The following RBPMS2 variants were observed in gnomAD, a reference collection of about 807,000 sequenced individuals.
RBPMS2 encodes the protein RNA binding protein, mRNA processing factor 2.
RBPMS2 carries 14 observed loss-of-function variants against 25.7 expected under a neutral mutation model. The ratio of observed to expected loss-of-function variants is 0.55; its 90% CI spans 0.36 to 0.85. RBPMS2 has a LOEUF of 0.85. RBPMS2 is among the 40% of genes least tolerant of loss of function. The probability of loss-of-function intolerance (pLI) is 0.01; values close to 1 mark genes in which losing one functional copy is unlikely to be tolerated. For synonymous variants in RBPMS2, 127 were observed against 115.6 expected (o/e 1.10, Z -0.63); for missense variants, 252 against 283.4 (o/e 0.89, Z 0.80).
At position 64,765,263 on chromosome 15, in the gene RBPMS2, A is replaced by G. The variant is rs74369917; in HGVS notation, c.87+9970T>C. Among the ~76,000 whole-genome samples the G allele has an allele frequency of 1.4e-3, 213 of 150,238 alleles. 5 individuals are homozygous for G. The East Asian group carries it at 0.034, about 24-fold the overall frequency. On this transcript the variant is annotated intron_variant, in intron 1 of 7. Transcript: ENST00000300069. ...AAAAAAAAAAAAAAGCAAAAAACAA[A>G]AATTAGCCCGGCGTGTTGGTGTGCA...
intron 6 of RBPMS2, among the ~76,000 whole-genome samples, chr15:64,743,463 G>A (rs1401769626): frequency 6.6e-6 from 1 of 152,254 alleles, no homozygotes; most frequent in Admixed American, 6.5e-5. Flanking sequence ...CATTTAGAAG[G>A]GCTGCTTTTC....
At chr15:64,750,788 C>A (rs1842855016) in intron 2 of RBPMS2, among the ~76,000 whole-genome samples, 1 of 152,142 alleles carries the variant, frequency 6.6e-6, no homozygotes, top group African/African-American at 2.4e-5. Flanking sequence ...GTCTGTAATC[C>A]CAGCACTTTG....
At chr15:64,771,112 C>G (rs78122985) in intron 1 of RBPMS2, among the ~76,000 whole-genome samples, 6,348 of 152,314 alleles carry the variant, frequency 0.042, 247 homozygotes, top group Admixed American at 0.13. Flanking sequence ...CCTCCCTCAA[C>G]CCAATAGTAT....
intron 4 of RBPMS2, 86 bp from the exon 5 acceptor site, chr15:64,749,236 C>T (rs905078016): frequency 2.1e-5 from 32 of 1,529,828 alleles, no homozygotes; most frequent in Non-Finnish European, 2.8e-5. Context: ...GCGCCATAAA[C>T]AAGCTCGCCT....
intron 1 of RBPMS2, among the ~76,000 whole-genome samples, chr15:64,763,149 T>C (rs547118643): frequency 6.6e-6 from 1 of 151,906 alleles, no homozygotes; most frequent in African/African-American, 2.4e-5. Flanking sequence ...ACGCCTCCCA[T>C]AGGAAAGAAG....
intron 1 of RBPMS2, among the ~76,000 whole-genome samples, chr15:64,762,727 G>A (rs145504608): frequency 4.1e-4 from 62 of 152,264 alleles, no homozygotes; most frequent in African/African-American, 1.3e-3. Flanking sequence ...GAGTAGACTC[G>A]CCTCAGGTCC....
At chr15:64,757,103 T>A (rs1000915622) in intron 1 of RBPMS2, among the ~76,000 whole-genome samples, 5 of 151,546 alleles carry the variant, frequency 3.3e-5, no homozygotes, top group African/African-American at 1.2e-4. Context: ...CTCCAGAGTA[T>A]CTGGGACTAT....
chr15:64,766,056 A>G (rs2083843516), intron 1 of RBPMS2, among the ~76,000 whole-genome samples: 1 of 152,040 alleles, frequency 6.6e-6, no homozygotes, highest in South Asian at 2.1e-4. Flanking sequence ...CCCTACCTGC[A>G]CTAAAAGATA....
chr15:64,748,411 G>C lies in RBPMS2; in HGVS notation c.567+8C>G, dbSNP rs777858931. The C allele has an allele frequency of 1.2e-5, 20 of 1,613,506 alleles. No individual in the cohort carries two copies. In the East Asian group the frequency reaches 4.5e-4, roughly 36 times the overall value. On this transcript the variant is annotated splice_region_variant and intron_variant, in intron 6 of 7. Coordinates refer to ENST00000300069, the MANE Select transcript of RBPMS2 (RefSeq NM_194272.3). ...GTTCTTCGCCCTCCCCAACCTTAAA[G>C]GGCTTACCTGAGCGTGGAGGGCGGC...
intron 1 of RBPMS2, among the ~76,000 whole-genome samples, chr15:64,758,872 C>T (rs964279473): frequency 6.6e-6 from 1 of 152,140 alleles, no homozygotes; most frequent in Non-Finnish European, 1.5e-5. Flanking sequence ...TGTTCTTGAG[C>T]TCTCTCCCGC....
chr15:64,746,875 G>A (rs1015378790), intron 6 of RBPMS2, among the ~76,000 whole-genome samples: 1 of 152,190 alleles, frequency 6.6e-6, no homozygotes, highest in African/African-American at 2.4e-5. Flanking sequence ...GAGGTGAGAA[G>A]CCCAGTGAGG....
At chr15:64,767,652 C>T (rs972216181) in intron 1 of RBPMS2, among the ~76,000 whole-genome samples, 5 of 152,122 alleles carry the variant, frequency 3.3e-5, no homozygotes, top group African/African-American at 1.2e-4. Flanking sequence ...AGGAGGAAGC[C>T]AGCATGTCCC....
intron 1 of RBPMS2, among the ~76,000 whole-genome samples, chr15:64,754,522 G>C (rs2083713704): frequency 6.6e-6 from 1 of 151,310 alleles, no homozygotes; most frequent in African/African-American, 2.4e-5. Flanking sequence ...TGAGGTAGGA[G>C]AATCACTTGA....
intron 1 of RBPMS2, among the ~76,000 whole-genome samples, chr15:64,763,451 C>A (rs1006761745): frequency 2.0e-5 from 3 of 152,148 alleles, no homozygotes; most frequent in African/African-American, 7.2e-5. Context: ...GTCACCACAG[C>A]CTCACCTAGT....
intron 1 of RBPMS2, among the ~76,000 whole-genome samples, chr15:64,764,262 C>T (rs1277207260): frequency 1.3e-5 from 2 of 152,122 alleles, no homozygotes; most frequent in Admixed American, 1.3e-4. Context: ...TTGCAGTTGC[C>T]GCCACTGCCA....
At chr15:64,755,901 C>T (rs1408532450) in intron 1 of RBPMS2, among the ~76,000 whole-genome samples, 1 of 151,828 alleles carries the variant, frequency 6.6e-6, no homozygotes, top group African/African-American at 2.4e-5. Flanking sequence ...CGGCTCACCC[C>T]TTCCTCACTC....
intron 1 of RBPMS2, among the ~76,000 whole-genome samples, chr15:64,763,486 G>T (rs182022461): frequency 6.6e-6 from 1 of 152,286 alleles, no homozygotes; most frequent in East Asian, 1.9e-4. Flanking sequence ...GGTTCAGGTG[G>T]GATCTGGTGT....
chr15:64,751,043 CAA>C (rs953363268), intron 2 of RBPMS2, among the ~76,000 whole-genome samples: 2 of 141,720 alleles, frequency 1.4e-5, no homozygotes, highest in Non-Finnish European at 3.0e-5. Flanking sequence ...CAAAACAAAA[CAA>C]ACAAAAAGGA....
rs2083552146 is a variant in RBPMS2 at position 64,740,616 on chromosome 15, T to A, written c.*392A>T. 6.4e-6 allele frequency: 1 copy of A among 155,392 alleles called. No individual in the cohort carries two copies. The highest frequency in any genetic ancestry group is 6.3e-5 in the Admixed American group (1 of 15,904). 9.6% of individuals were successfully genotyped at this position (155,392 alleles called of 1,614,324 possible). A position where few individuals can be genotyped will look rare whatever the true frequency, so the allele number is the denominator to read the frequency against. The stretch of plus-strand genomic sequence containing the variant: ...AGTGTGAGAACAAACTGTACACTCA[T>A]ATATACAAGTATAAGTGTCTTAATT... On this transcript the variant is annotated 3_prime_UTR_variant, in exon 8 of 8. Transcript: ENST00000300069.
Sources: gnomAD v4.1 joint callset for allele counts (sites outside exome capture counted in the v4.1 genomes callset) on GRCh38, gnomAD v4.1.1 for gene constraint, MANE v1.5 for transcripts, NCBI Gene and HGNC (gene_info 2026-07-23, HGNC 2026-07-21) for gene names.